The following NT5C2 variants were observed in gnomAD, a reference collection of about 807,000 sequenced individuals.
NT5C2 encodes 5'-nucleotidase, cytosolic II.
Under a neutral mutation model 76.1 loss-of-function variants are expected in NT5C2, and 58 were observed. That is an observed-to-expected ratio of 0.76 (90% CI 0.62 to 0.95). The LOEUF is 0.95. Among genes scored for constraint, NT5C2 ranks in the 40% least tolerant of loss-of-function variants. The pLI, the probability that NT5C2 is intolerant of heterozygous loss-of-function variation, is 0.00. For missense variants in NT5C2, 478 were observed against 690.3 expected, an observed-to-expected ratio of 0.69 and a Z score of 3.45; for synonymous variants, 229 against 237.4, an observed-to-expected ratio of 0.96 and a Z score of 0.32.
intron 1 of NT5C2, among the ~76,000 whole-genome samples, chr10:103,183,850 C>G (rs1033669825): frequency 2.0e-5 from 3 of 151,642 alleles, no homozygotes; most frequent in African/African-American, 7.3e-5. Context: ...GAAGAAATGC[C>G]TATTTTTCCA....
chr10:103,114,290 G>A (rs2073819084), intron 4 of NT5C2, among the ~76,000 whole-genome samples: 2 of 152,090 alleles, frequency 1.3e-5, no homozygotes, highest in East Asian at 1.9e-4. Flanking sequence ...GAGTGTGGTG[G>A]CGCACACCTG....
At chr10:103,091,349 CTT>C in intron 16 of NT5C2, among the ~76,000 whole-genome samples, 1 of 145,422 alleles carries the variant, frequency 6.9e-6, no homozygotes. Flanking sequence ...CTGGAAAGAA[CTT>C]TTTTTTTTTT....
intron 4 of NT5C2, among the ~76,000 whole-genome samples, chr10:103,116,760 A>G (rs1005267854): frequency 6.6e-5 from 10 of 151,334 alleles, no homozygotes; most frequent in African/African-American, 2.2e-4. Flanking sequence ...TTTTTTTTAA[A>G]GATGGGGTCT....
intron 3 of NT5C2, among the ~76,000 whole-genome samples, chr10:103,171,228 T>C (rs2087902810): frequency 1.3e-5 from 2 of 152,142 alleles, no homozygotes; most frequent in African/African-American, 2.4e-5. Context: ...AAACCAACTA[T>C]TGATATAATA....
chr10:103,173,035 G>C (rs1436326468), intron 3 of NT5C2, among the ~76,000 whole-genome samples: 1 of 152,006 alleles, frequency 6.6e-6, no homozygotes, highest in East Asian at 1.9e-4. Context: ...AATCTGTAGA[G>C]TTGGGGTCTC....
At chr10:103,184,668 T>C (rs565341710) in intron 1 of NT5C2, among the ~76,000 whole-genome samples, 1 of 152,350 alleles carries the variant, frequency 6.6e-6, no homozygotes, top group African/African-American at 2.4e-5. Flanking sequence ...AGCCTGAAAA[T>C]GCAAGAATAA....
chr10:103,092,340 T>C (rs1243995462), intron 15 of NT5C2, among the ~76,000 whole-genome samples: 1 of 145,254 alleles, frequency 6.9e-6, no homozygotes, highest in African/African-American at 2.5e-5. Flanking sequence ...TATGGAGCCT[T>C]GGTTGAGAAA....
chr10:103,107,548 A>G (rs1044608100), intron 4 of NT5C2, among the ~76,000 whole-genome samples: 1 of 151,928 alleles, frequency 6.6e-6, no homozygotes, highest in African/African-American at 2.4e-5. Context: ...GTGGTGGCGC[A>G]TGCCTGTTGT....
At chr10:103,101,386 T>C (rs1387696466) in intron 6 of NT5C2, 60 bp from the exon 7 acceptor site, 1 of 961,042 alleles carries the variant, frequency 1.0e-6, no homozygotes, top group South Asian at 1.5e-5. Context: ...AATTGGGAAA[T>C]AGCATTATTC....
chr10:103,171,984 T>C (rs1478150854), intron 3 of NT5C2, among the ~76,000 whole-genome samples: 1 of 152,032 alleles, frequency 6.6e-6, no homozygotes, highest in Non-Finnish European at 1.5e-5. Flanking sequence ...CCAAGGCAAG[T>C]AGATCACCTG....
At chr10:103,190,062 G>A (rs1256490368) in intron 1 of NT5C2, among the ~76,000 whole-genome samples, 3 of 141,284 alleles carry the variant, frequency 2.1e-5, no homozygotes, top group Non-Finnish European at 4.6e-5. Flanking sequence ...AGTGCGTGGC[G>A]CAATCTCAGC....
intron 1 of NT5C2, among the ~76,000 whole-genome samples, chr10:103,183,508 CTTT>C (rs541606520): frequency 4.2e-5 from 5 of 118,086 alleles, no homozygotes; most frequent in East Asian, 2.4e-4. Context: ...TAAACAAATG[CTTT>C]TTTTTTTTTT....
intron 1 of NT5C2, among the ~76,000 whole-genome samples, chr10:103,188,905 G>C (rs948086849): frequency 6.6e-6 from 1 of 151,998 alleles, no homozygotes; most frequent in Non-Finnish European, 1.5e-5. Flanking sequence ...TGTAGTACTC[G>C]GGAGGCAGAG....
intron 3 of NT5C2, among the ~76,000 whole-genome samples, chr10:103,152,764 A>G (rs999872770): frequency 1.3e-5 from 2 of 152,196 alleles, no homozygotes; most frequent in African/African-American, 2.4e-5. Context: ...CTGAAGCATA[A>G]GAGAAAATAA....
chr10:103,141,002 A>C (rs890104953), intron 3 of NT5C2, among the ~76,000 whole-genome samples: 1 of 151,796 alleles, frequency 6.6e-6, no homozygotes, highest in East Asian at 1.9e-4. Flanking sequence ...TGCTGCGCAG[A>C]AGCTTTTTAG....
chr10:103,172,147 T>C (rs1177612609), intron 3 of NT5C2, among the ~76,000 whole-genome samples: 1 of 151,808 alleles, frequency 6.6e-6, no homozygotes, highest in Admixed American at 6.6e-5. Context: ...GAGGCAGAGG[T>C]TGCAGTGAGC....
intron 3 of NT5C2, among the ~76,000 whole-genome samples, chr10:103,163,721 A>C (rs952285897): frequency 6.6e-6 from 1 of 151,702 alleles, no homozygotes; most frequent in African/African-American, 2.4e-5. Flanking sequence ...AAAAAAAAAA[A>C]AAACTCAAAT....
chr10:103,157,794 G>A (rs1347196527), intron 3 of NT5C2, among the ~76,000 whole-genome samples: 1 of 152,074 alleles, frequency 6.6e-6, no homozygotes, highest in African/African-American at 2.4e-5. Context: ...AAAATTTGGG[G>A]CCAGGTGCGG....
At chr10:103,137,704 G>C (rs1165162643) in intron 4 of NT5C2, among the ~76,000 whole-genome samples, 1 of 152,158 alleles carries the variant, frequency 6.6e-6, no homozygotes, top group African/African-American at 2.4e-5. Flanking sequence ...ACATACACGT[G>C]CAAGCATATA....
Sources: allele counts gnomAD v4.1 joint callset (sites outside exome capture counted in the v4.1 genomes callset), GRCh38; gene constraint gnomAD v4.1.1; transcripts MANE v1.5; gene names NCBI Gene and HGNC (gene_info 2026-07-23, HGNC 2026-07-21).